CRADD: variants seen among roughly 807,000 people sequenced by gnomAD.
CRADD encodes the protein CARD and death domain containing adaptor protein.
CRADD carries 9 observed loss-of-function variants against 15.5 expected under a neutral mutation model. The ratio of observed to expected loss-of-function variants is 0.58; its 90% CI spans 0.35 to 1.01. The LOEUF is 1.01. CRADD is among the 50% of genes least tolerant of loss of function. CRADD has a pLI of 0.02. For synonymous variants in CRADD, 118 were observed against 107.6 expected (o/e 1.10, Z -0.60); for missense variants, 227 against 250.3 (o/e 0.91, Z 0.63).
rs371565895 is a variant in CRADD, at chr12:93,824,421, T to C, written c.299-25549T>C. 5.3e-5 allele frequency among the ~76,000 whole-genome samples: 8 copies of C among 150,472 alleles called. No homozygotes were observed. Among genetic ancestry groups the C allele is most frequent in the East Asian group, 3.9e-4 (2 of 5,110 alleles). On this transcript the variant is annotated intron_variant, in intron 2 of 2. Transcript: ENST00000332896. This position sits in a 1 kb window ranked among gnomAD's most constrained non-coding sequence, Gnocchi z 4.3. ...ACACACACACACTCATACACACACATACACACACACACACACACACTACCA... is the reference window on the plus strand; with the variant it reads ...ACACACACACACTCATACACACACACACACACACACACACACACACTACCA...
At chr12:93,883,405 CCTT>C (rs1958515857) in intron 2 of CRADD, among the ~76,000 whole-genome samples, 1 of 152,212 alleles carries the variant, frequency 6.6e-6, no homozygotes, top group South Asian at 2.1e-4. Context: ...AACTAAATCT[CCTT>C]CTTTCTTTTA....
At chr12:93,772,283 C>G (rs1210198387) in intron 2 of CRADD, among the ~76,000 whole-genome samples, 1 of 152,174 alleles carries the variant, frequency 6.6e-6, no homozygotes, top group Non-Finnish European at 1.5e-5. Context: ...CCATTTTGAT[C>G]TGTGATGAGG....
intron 2 of CRADD, among the ~76,000 whole-genome samples, chr12:93,682,306 A>ATG (rs1343122513): frequency 6.6e-6 from 1 of 152,206 alleles, no homozygotes; most frequent in Non-Finnish European, 1.5e-5. Flanking sequence ...CTATAGGAGA[A>ATG]TGTGTGTACA....
At chr12:93,741,479 G>A (rs1956665605) in intron 2 of CRADD, among the ~76,000 whole-genome samples, 1 of 152,184 alleles carries the variant, frequency 6.6e-6, no homozygotes, top group South Asian at 2.1e-4. Flanking sequence ...TCCTACTCCA[G>A]TAAAAACAAT....
At chr12:93,854,965 G>A (rs1958260400), downstream of CRADD, among the ~76,000 whole-genome samples, 2 of 152,174 alleles carry the variant, frequency 1.3e-5, no homozygotes, top group Admixed American at 1.3e-4. Flanking sequence ...AGGCTGAGGC[G>A]GGCGGATCAC....
chr12:93,833,614 T>C (rs1251400252), intron 2 of CRADD, among the ~76,000 whole-genome samples: 1 of 152,160 alleles, frequency 6.6e-6, no homozygotes, highest in African/African-American at 2.4e-5. Context: ...CCAAAGTGTA[T>C]AGGCATGAGC....
At chr12:93,832,644 A>G (rs1401973268) in intron 2 of CRADD, among the ~76,000 whole-genome samples, 1 of 152,216 alleles carries the variant, frequency 6.6e-6, no homozygotes, top group African/African-American at 2.4e-5. Context: ...ACATATTTAT[A>G]TATTTGATAT....
At chr12:93,780,912 AT>A (rs58068881) in intron 2 of CRADD, among the ~76,000 whole-genome samples, 16,719 of 139,162 alleles carry the variant, frequency 0.12, 1,330 homozygotes, top group African/African-American at 0.23. Context: ...ATGCCCAGCT[AT>A]TTTTTTTTTT....
At chr12:93,801,945 A>G (rs1226464079) in intron 2 of CRADD, among the ~76,000 whole-genome samples, 2 of 152,086 alleles carry the variant, frequency 1.3e-5, no homozygotes, top group Admixed American at 1.3e-4. Flanking sequence ...AACATACAAT[A>G]TTTGTTTTCC....
At chr12:93,735,099 C>G (rs934972836) in intron 2 of CRADD, among the ~76,000 whole-genome samples, 1 of 152,166 alleles carries the variant, frequency 6.6e-6, no homozygotes, top group Non-Finnish European at 1.5e-5. Context: ...CGCTGTTTCC[C>G]TGGCTAGCAC....
chr12:93,727,270 C>T (rs978070696), intron 2 of CRADD, among the ~76,000 whole-genome samples: 14 of 152,154 alleles, frequency 9.2e-5, no homozygotes, highest in Non-Finnish European at 1.5e-4. Flanking sequence ...TGCTTATTGT[C>T]GCCTTCTTCC....
chr12:93,749,543 T>A (rs1291279726), intron 2 of CRADD, among the ~76,000 whole-genome samples: 1 of 151,260 alleles, frequency 6.6e-6, no homozygotes, highest in Non-Finnish European at 1.5e-5. Context: ...TACTCCAGCC[T>A]TTCCCTTGTT....
intron 2 of CRADD, among the ~76,000 whole-genome samples, chr12:93,799,602 T>C (rs1957455952): frequency 6.6e-6 from 1 of 152,242 alleles, no homozygotes; most frequent in Admixed American, 6.5e-5. Flanking sequence ...ATAGAATACA[T>C]CTTTACCACC....
At chr12:93,764,625 A>G (rs753326273) in intron 2 of CRADD, among the ~76,000 whole-genome samples, 10 of 151,970 alleles carry the variant, frequency 6.6e-5, no homozygotes, top group African/African-American at 1.9e-4. Context: ...AAGAGTCTCA[A>G]TTGCTCTGGA....
At chr12:93,725,050 C>T (rs1329018895) in intron 2 of CRADD, among the ~76,000 whole-genome samples, 1 of 151,920 alleles carries the variant, frequency 6.6e-6, no homozygotes, top group Non-Finnish European at 1.5e-5. Flanking sequence ...TTAGTAGAGG[C>T]GGGGTTTCAT....
chr12:93,689,436 G>A (rs1592886204), intron 2 of CRADD, among the ~76,000 whole-genome samples: 2 of 151,988 alleles, frequency 1.3e-5, no homozygotes, highest in Non-Finnish European at 2.9e-5. Context: ...TTCTTTGAGG[G>A]CATTTCCCCC....
chr12:93,818,592 G>T (rs1957735170), intron 2 of CRADD, among the ~76,000 whole-genome samples: 2 of 152,200 alleles, frequency 1.3e-5, no homozygotes, highest in African/African-American at 4.8e-5. Flanking sequence ...AGGCCAGTTG[G>T]CAGAGGAGGC....
chr12:93,790,291 G>A (rs1489163403), intron 2 of CRADD, among the ~76,000 whole-genome samples: 1 of 151,966 alleles, frequency 6.6e-6, no homozygotes, highest in African/African-American at 2.4e-5. Context: ...GATACTCAGA[G>A]ATAAACTTGA....
chr12:93,835,808 C>T (rs901633315), intron 2 of CRADD, among the ~76,000 whole-genome samples: 4 of 152,156 alleles, frequency 2.6e-5, no homozygotes, highest in African/African-American at 9.7e-5. Flanking sequence ...TGATATGTTA[C>T]TCACTTGCCA....
Sources: allele counts gnomAD v4.1 joint callset (sites outside exome capture counted in the v4.1 genomes callset), GRCh38; gene constraint gnomAD v4.1.1; non-coding constraint Gnocchi (gnomAD v3.1); transcripts MANE v1.5; gene names NCBI Gene and HGNC (gene_info 2026-07-23, HGNC 2026-07-21).